SLC2A9: variants seen among roughly 807,000 people sequenced by gnomAD.
The protein encoded by SLC2A9 is solute carrier family 2, facilitated glucose transporter member 9.
Under a neutral mutation model 50.6 loss-of-function variants are expected in SLC2A9, and 39 were observed. The ratio of observed to expected loss-of-function variants is 0.77; its 90% CI spans 0.60 to 1.01. The LOEUF (loss-of-function observed/expected upper bound fraction) is 1.01, where lower values mean the gene tolerates loss of function less well. Ranked by LOEUF, SLC2A9 falls within the 50% of genes least tolerant of loss-of-function variation. The probability of loss-of-function intolerance (pLI) is 0.00; values close to 1 mark genes in which losing one functional copy is unlikely to be tolerated. For missense variants in SLC2A9, 686 were observed against 677.6 expected, an observed-to-expected ratio of 1.01 and a Z score of -0.14; for synonymous variants, 324 against 276.9, an observed-to-expected ratio of 1.17 and a Z score of -1.69.
Position 9,876,803 on chromosome 4 carries a change from G to A in SLC2A9, c.1291+10764C>T, listed in dbSNP as rs546950309. Among the ~76,000 whole-genome samples, 3 of 152,194 alleles carry A rather than the reference G, an allele frequency of 2.0e-5. No homozygotes were observed. In the South Asian group the frequency reaches 6.2e-4, roughly 32 times the overall value. ...AGTCTGAGTCTTTGTTTCTAGACAGGGACTAGCACCAATGCTGGAGTTAAT... is the reference window on the plus strand; with the variant it reads ...AGTCTGAGTCTTTGTTTCTAGACAGAGACTAGCACCAATGCTGGAGTTAAT... On this transcript the variant is annotated intron_variant, in intron 10 of 11. Coordinates refer to ENST00000264784, the MANE Select transcript of SLC2A9 (RefSeq NM_020041.3).
chr4:9,970,723 C>T (rs1753765419), intron 5 of SLC2A9, among the ~76,000 whole-genome samples: 1 of 151,848 alleles, frequency 6.6e-6, no homozygotes, highest in African/African-American at 2.4e-5. Flanking sequence ...AAAGAGACCT[C>T]TCATATTGTT....
At chr4:9,971,090 C>T (rs1578136305) in intron 5 of SLC2A9, among the ~76,000 whole-genome samples, 1 of 152,246 alleles carries the variant, frequency 6.6e-6, no homozygotes, top group East Asian at 1.9e-4. Flanking sequence ...TCAGGGAGCT[C>T]GGATTTTAAG....
downstream of SLC2A9, among the ~76,000 whole-genome samples, chr4:9,797,040 C>T (rs1288111182): frequency 6.6e-6 from 1 of 152,212 alleles, no homozygotes; most frequent in African/African-American, 2.4e-5. Flanking sequence ...ATACTATGAT[C>T]TACCATTATA....
chr4:10,001,079 T>G (rs1042899900), intron 2 of SLC2A9, among the ~76,000 whole-genome samples: 9 of 152,160 alleles, frequency 5.9e-5, no homozygotes, highest in African/African-American at 1.9e-4. Context: ...AGAGGTCATA[T>G]TGGAGTAAGG....
At chr4:9,925,181 T>C (rs1160156802) in intron 6 of SLC2A9, among the ~76,000 whole-genome samples, 8 of 152,224 alleles carry the variant, frequency 5.3e-5, no homozygotes, top group Non-Finnish European at 1.2e-4. Context: ...TGCTGTTCCT[T>C]GTGTCCAGAA....
chr4:9,849,122 G>C (rs141932296), intron 10 of SLC2A9, among the ~76,000 whole-genome samples: 61 of 152,294 alleles, frequency 4.0e-4, no homozygotes, highest in Middle Eastern at 6.8e-3. Flanking sequence ...AGCAGGGGTG[G>C]ATTCTAGGGT....
At chr4:9,899,003 T>C (rs1303998422) in intron 8 of SLC2A9, among the ~76,000 whole-genome samples, 1 of 152,046 alleles carries the variant, frequency 6.6e-6, no homozygotes, top group South Asian at 2.1e-4. Context: ...CCTCCCCCTC[T>C]CTCTCTCTCT....
At chr4:9,981,021 G>C (rs1755663389) in intron 4 of SLC2A9, among the ~76,000 whole-genome samples, 1 of 152,122 alleles carries the variant, frequency 6.6e-6, no homozygotes, top group African/African-American at 2.4e-5. Context: ...GGTGATAACG[G>C]TGGTCGTGAT....
At chr4:10,007,273 G>A (rs1411977947) in intron 2 of SLC2A9, among the ~76,000 whole-genome samples, 1 of 152,190 alleles carries the variant, frequency 6.6e-6, no homozygotes, top group African/African-American at 2.4e-5. Flanking sequence ...GCAGGTTTGT[G>A]GTGTTTTTTC....
chr4:9,951,975 C>T (rs988283121), intron 5 of SLC2A9, among the ~76,000 whole-genome samples: 2 of 152,236 alleles, frequency 1.3e-5, no homozygotes, highest in African/African-American at 2.4e-5. Context: ...CCATGTGCCA[C>T]GGCTCAGCTC....
intron 5 of SLC2A9, among the ~76,000 whole-genome samples, chr4:9,949,187 T>A (rs1232089495): frequency 1.3e-5 from 2 of 152,150 alleles, no homozygotes. Flanking sequence ...TGTTTCCCTA[T>A]AGACGGAGCT....
intron 10 of SLC2A9, among the ~76,000 whole-genome samples, chr4:9,861,539 C>A (rs1731649663): frequency 6.6e-6 from 1 of 152,146 alleles, no homozygotes; most frequent in East Asian, 1.9e-4. Context: ...CAATAAGCCT[C>A]CCTCAACAGA....
At chr4:9,942,618 A>G (rs1032286892) in intron 5 of SLC2A9, among the ~76,000 whole-genome samples, 2 of 152,138 alleles carry the variant, frequency 1.3e-5, no homozygotes, top group African/African-American at 4.8e-5. Flanking sequence ...GAGGCCTTTC[A>G]CTTTCCAGCC....
At chr4:9,866,684 G>A (rs1355093945) in intron 10 of SLC2A9, among the ~76,000 whole-genome samples, 4 of 152,192 alleles carry the variant, frequency 2.6e-5, no homozygotes, top group African/African-American at 7.2e-5. Context: ...TCCTAAGGCA[G>A]GAGCTGTGAG....
At chr4:9,885,734 C>T (rs780314667) in intron 10 of SLC2A9, among the ~76,000 whole-genome samples, 10 of 152,232 alleles carry the variant, frequency 6.6e-5, no homozygotes, top group Non-Finnish European at 1.5e-4. Context: ...AGGAGACACA[C>T]ATTAAAGACA....
chr4:9,858,266 C>T (rs1372043386), intron 10 of SLC2A9, among the ~76,000 whole-genome samples: 3 of 152,096 alleles, frequency 2.0e-5, no homozygotes, highest in Non-Finnish European at 4.4e-5. Flanking sequence ...AGGAGCTGGA[C>T]TTTGGCGGTA....
In SLC2A9 at chr4:10,033,247, G is replaced by A. The variant is rs142146689; in HGVS notation, c.-41+6883C>T. Among the ~76,000 whole-genome samples, 62 of 152,282 alleles carry A rather than the reference G, an allele frequency of 4.1e-4. No individual in the cohort carries two copies. The East Asian group carries it at 0.011, about 28-fold the overall frequency. On this transcript the variant is annotated intron_variant, in intron 1 of 12. Transcript: ENST00000309065. ...TGCAACAGATGGGATAAGTAAGTTA[G>A]AGCTTCGGTATGTCACCCCCACTGT...
At chr4:9,833,487 G>T (rs1037106287) in intron 11 of SLC2A9, among the ~76,000 whole-genome samples, 2 of 152,156 alleles carry the variant, frequency 1.3e-5, no homozygotes, top group Admixed American at 1.3e-4. Context: ...TGCCTGTACA[G>T]TGGCAAGGAT....
chr4:9,823,168 A>G (rs1373321083), downstream of SLC2A9, among the ~76,000 whole-genome samples: 1 of 152,198 alleles, frequency 6.6e-6, no homozygotes, highest in East Asian at 1.9e-4. Context: ...TGAAAAGAAG[A>G]AATATAAACC....
Sources: gnomAD v4.1 joint callset for allele counts (sites outside exome capture counted in the v4.1 genomes callset) on GRCh38, gnomAD v4.1.1 for gene constraint, MANE v1.5 for transcripts, NCBI Gene and HGNC (gene_info 2026-07-23, HGNC 2026-07-21) for gene names.